COLEC12: variants seen among roughly 807,000 people sequenced by gnomAD.
COLEC12 encodes collectin-12.
A neutral mutation model predicts 71.1 loss-of-function variants in COLEC12; 33 were observed. That is an observed-to-expected ratio of 0.46 (90% CI 0.35 to 0.62). COLEC12 has a LOEUF of 0.62. COLEC12 is among the 20% of genes least tolerant of loss of function. COLEC12 has a pLI of 0.00. For synonymous variants in COLEC12, 350 were observed against 353.0 expected, an observed-to-expected ratio of 0.99 and a Z score of 0.10; for missense variants, 765 against 916.1, an observed-to-expected ratio of 0.84 and a Z score of 2.13.
At chr18:354,855 T>C (rs1914596859) in intron 3 of COLEC12, among the ~76,000 whole-genome samples, 1 of 152,086 alleles carries the variant, frequency 6.6e-6, no homozygotes, top group South Asian at 2.1e-4. Context: ...CTCCCCATTA[T>C]CTCTTCTTCC....
At chr18:395,109 C>A in intron 2 of COLEC12, among the ~76,000 whole-genome samples, 1 of 152,194 alleles carries the variant, frequency 6.6e-6, no homozygotes, top group East Asian at 1.9e-4. Context: ...ATCTGTTGAT[C>A]CAGTTGCTGG....
chr18:370,276 A>G (rs1914971508), intron 2 of COLEC12, among the ~76,000 whole-genome samples: 1 of 152,206 alleles, frequency 6.6e-6, no homozygotes, highest in Admixed American at 6.5e-5. Context: ...TACATATATA[A>G]TTTCATATGA....
chr18:421,441 G>T (rs1916096690), intron 2 of COLEC12, among the ~76,000 whole-genome samples: 1 of 152,092 alleles, frequency 6.6e-6, no homozygotes, highest in Non-Finnish European at 1.5e-5. Context: ...TCCCTTTACA[G>T]ATCTTCCACA....
intron 2 of COLEC12, among the ~76,000 whole-genome samples, chr18:366,643 T>C (rs1205394413): frequency 6.6e-6 from 1 of 152,196 alleles, no homozygotes; most frequent in African/African-American, 2.4e-5. Context: ...ACTCGGCACA[T>C]CCTGCGGCTT....
chr18:399,709 G>A lies in COLEC12; in HGVS notation c.59-42187C>T, dbSNP rs1425853238. 6.6e-6 allele frequency among the ~76,000 whole-genome samples: 1 copy of A among 152,148 alleles called. No homozygotes were observed. Among genetic ancestry groups the A allele is most frequent in the Non-Finnish European group, 1.5e-5 (1 of 68,032 alleles). Reference sequence around the variant, plus strand: ...CTGTTACCTGTTGTTAGTTCAACGGGGATGCGGAATTTGGGGTGGATGCCG... The same window carrying A: ...CTGTTACCTGTTGTTAGTTCAACGGAGATGCGGAATTTGGGGTGGATGCCG... On this transcript the variant is annotated intron_variant, in intron 2 of 9. Transcript: ENST00000400256. The surrounding 1 kb of genome is among the most constrained non-coding windows in gnomAD (Gnocchi z 4.0).
At chr18:445,318 C>T (rs979389829) in intron 2 of COLEC12, among the ~76,000 whole-genome samples, 6 of 152,182 alleles carry the variant, frequency 3.9e-5, no homozygotes, top group African/African-American at 7.2e-5. Context: ...CGCAACTTTG[C>T]TCCTGGTAAC....
At chr18:387,285 C>T (rs1382780503) in intron 2 of COLEC12, among the ~76,000 whole-genome samples, 1 of 151,926 alleles carries the variant, frequency 6.6e-6, no homozygotes, top group African/African-American at 2.4e-5. Context: ...AGGACAAGAC[C>T]CTGAATAATT....
intron 2 of COLEC12, among the ~76,000 whole-genome samples, chr18:418,866 T>C (rs1274439041): frequency 1.3e-5 from 2 of 152,216 alleles, no homozygotes; most frequent in Non-Finnish European, 2.9e-5. Flanking sequence ...ATTCTTTCAT[T>C]CCTTTACTTT....
chr18:333,757 C>CCGAG (rs1334088747), intron 6 of COLEC12: 2 of 152,206 alleles, frequency 1.3e-5, no homozygotes, highest in African/African-American at 4.8e-5. Context: ...ATGGAGCTAA[C>CCGAG]CGAGGGAGCC....
intron 2 of COLEC12, among the ~76,000 whole-genome samples, chr18:392,794 CG>C (rs1371667944): frequency 6.6e-6 from 1 of 152,212 alleles, no homozygotes; most frequent in Non-Finnish European, 1.5e-5. Flanking sequence ...TAATGCAGGC[CG>C]GTTTGAGCTG....
chr18:341,460 A>T (rs1370798400), intron 5 of COLEC12, among the ~76,000 whole-genome samples: 1 of 152,250 alleles, frequency 6.6e-6, no homozygotes, highest in African/African-American at 2.4e-5. Context: ...AATGAGTGAA[A>T]GCTAGCTAGA....
chr18:330,651 G>A (rs1913953306), intron 8 of COLEC12, among the ~76,000 whole-genome samples: 2 of 152,194 alleles, frequency 1.3e-5, no homozygotes, highest in South Asian at 4.1e-4. Context: ...AATTAGGGAA[G>A]GAGCTAACAC....
chr18:369,487 T>C, intron 2 of COLEC12, among the ~76,000 whole-genome samples: 1 of 150,720 alleles, frequency 6.6e-6, no homozygotes, highest in South Asian at 2.1e-4. Flanking sequence ...TTAGGGTACA[T>C]GTGCACATTG....
intron 2 of COLEC12, among the ~76,000 whole-genome samples, chr18:437,994 C>T (rs1361576425): frequency 1.3e-5 from 2 of 152,100 alleles, no homozygotes; most frequent in East Asian, 1.9e-4. Flanking sequence ...ACATAGGTTA[C>T]GTGTTTATAG....
In COLEC12 at chr18:347,199, C is replaced by T. The variant is rs146526528; in HGVS notation, c.423G>A (p.Ala141=). The change falls in exon 5 of 10, where the codon GCG becomes GCA. Residue 141 remains alanine (A), a synonymous_variant. Transcript: ENST00000400256. The part of the protein sequence containing the change: ...KNKDTLEKLQ[A]SGDALVDRQS... ...GCCTGTCCACCAGAGCATCCCCGCT[C>T]GCCTGTAACTTCTCCAGCGTATCCT... 250 of 1,614,030 alleles carry T rather than the reference C, an allele frequency of 1.5e-4. No homozygotes were observed. Among genetic ancestry groups the T allele is most frequent in the Middle Eastern group, 1.6e-4 (1 of 6,084 alleles).
intron 2 of COLEC12, among the ~76,000 whole-genome samples, chr18:391,223 C>A (rs535351962): frequency 6.6e-6 from 1 of 152,246 alleles, no homozygotes; most frequent in South Asian, 2.1e-4. Context: ...ATGCTTTGAG[C>A]CAAAAGAGAC....
intron 2 of COLEC12, among the ~76,000 whole-genome samples, chr18:366,992 T>G (rs1426333003): frequency 4.6e-5 from 7 of 152,150 alleles, no homozygotes; most frequent in Non-Finnish European, 8.8e-5. Context: ...AAGGTTATGA[T>G]GAAAGGAATG....
chr18:357,260 A>T, intron 3 of COLEC12, 140 bp downstream of exon 3: 1 of 740,670 alleles, frequency 1.4e-6, no homozygotes, highest in Non-Finnish European at 2.1e-6. Flanking sequence ...TAAGATACAG[A>T]GATGAAGTTT....
rs112424198 is a variant in COLEC12 at position 351,295 on chromosome 18, GTTTTT to G, written c.182-3137_182-3133del. On this transcript the variant is annotated intron_variant, in intron 3 of 9. Transcript: ENST00000400256. ...CTCTCTACCTAGAATGTTCTTCCCT[GTTTTT>G]TTTTTTTACTGAGCTAAGTCCTATT... is the stretch of plus-strand genomic sequence containing the variant. Among the ~76,000 whole-genome samples the G allele has an allele frequency of 2.1e-5, 3 of 145,384 alleles. No individual in the cohort carries two copies. In the South Asian group the frequency reaches 6.6e-4, roughly 32 times the overall value.
Sources: gnomAD v4.1 joint callset for allele counts (sites outside exome capture counted in the v4.1 genomes callset) on GRCh38, gnomAD v4.1.1 for gene constraint, Gnocchi (gnomAD v3.1) non-coding constraint, MANE v1.5 for transcripts, NCBI Gene and HGNC (gene_info 2026-07-23, HGNC 2026-07-21) for gene names.